Variants in ABCA3 observed in about 807,000 individuals in gnomAD.
ABCA3 encodes phospholipid-transporting ATPase ABCA3.
A neutral mutation model predicts 172.8 loss-of-function variants in ABCA3; 88 were observed. That is an observed-to-expected ratio of 0.51 (90% CI 0.43 to 0.61). ABCA3 has a LOEUF of 0.61. Ranked by LOEUF, ABCA3 falls within the 20% of genes least tolerant of loss-of-function variation. The pLI, the probability that ABCA3 is intolerant of heterozygous loss-of-function variation, is 0.00. For synonymous variants in ABCA3, 1,066 were observed against 983.8 expected (o/e 1.08, Z -1.56); for missense variants, 2,164 against 2,301.0 (o/e 0.94, Z 1.22).
intron 5 of ABCA3, among the ~76,000 whole-genome samples, chr16:2,325,808 T>C (rs186085886): frequency 2.3e-4 from 35 of 152,236 alleles, no homozygotes; most frequent in Non-Finnish European, 2.9e-5. Context: ...GAGACTGCTA[T>C]TTACTCGCAG....
At chr16:2,328,419 T>C (rs776198781) in intron 3 of ABCA3, 34 bp downstream of exon 3, 7 of 465,172 alleles carry the variant, frequency 1.5e-5, no homozygotes, top group South Asian at 1.1e-4. Flanking sequence ...GTTAAGTTCA[T>C]CTCATGAACT....
chr16:2,302,604 C>A (rs1051187019), intron 12 of ABCA3, among the ~76,000 whole-genome samples: 1 of 151,778 alleles, frequency 6.6e-6, no homozygotes, highest in Admixed American at 6.6e-5. Flanking sequence ...CTCAGCCTCT[C>A]AAGTAGCTGG....
intron 1 of ABCA3, chr16:2,332,856 G>A: frequency 1.8e-6 from 1 of 554,874 alleles, no homozygotes; most frequent in Non-Finnish European, 3.2e-6. Context: ...ACCCAGGTTG[G>A]AGTGCCGTTG....
chr16:2,285,534 G>A lies in ABCA3; in HGVS notation c.3391C>T (p.Gln1131Ter). 1 of 1,603,978 alleles carries A rather than the reference G, an allele frequency of 6.2e-7. No homozygotes were observed. Among genetic ancestry groups the A allele is most frequent in the Non-Finnish European group, 8.5e-7 (1 of 1,175,156 alleles). The change falls in exon 23 of 33, where the codon CAG (glutamine) becomes TAG (stop). Residue 1131 changes from glutamine (Q) to a stop codon, truncating the protein, a stop_gained. Coordinates refer to ENST00000301732, the MANE Select transcript of ABCA3 (RefSeq NM_001089.3). LOFTEE classifies it high-confidence loss of function. The surrounding 1 kb of genome is among the most constrained non-coding windows in gnomAD (Gnocchi z 4.7). ...SERAVQAKHV[Q>*]FVSGVHVASF... is the part of the protein sequence containing the mutation. Reference sequence around the variant, plus strand: ...GCCACGTGGACTCCACTCACAAACTGCACATGCTTGGCCTGCACGGCCCTC... The same window carrying A: ...GCCACGTGGACTCCACTCACAAACTACACATGCTTGGCCTGCACGGCCCTC...
intron 19 of ABCA3, among the ~76,000 whole-genome samples, chr16:2,290,663 C>T (rs1052957600): frequency 6.6e-5 from 10 of 152,316 alleles, no homozygotes; most frequent in South Asian, 2.1e-4. Flanking sequence ...AGTCAGTGCT[C>T]GGTCCTGTGT....
chr16:2,327,725 TTC>T (rs1454012889), intron 3 of ABCA3, among the ~76,000 whole-genome samples: 1 of 152,192 alleles, frequency 6.6e-6, no homozygotes, highest in Non-Finnish European at 1.5e-5. Flanking sequence ...TTTTTCTTTT[TTC>T]TGTTTTTTTT....
rs11647731 is a variant in ABCA3 at position 2,298,819 on chromosome 16, G to C, written c.1742-279C>G. On this transcript the variant is annotated intron_variant, in intron 14 of 32. Coordinates refer to ENST00000301732, the MANE Select transcript of ABCA3 (RefSeq NM_001089.3). ...AGTCACCACAATCAGCCCCCGCCCC[G>C]GGTCCCAGCCTGTGCCACTGCCAGA... is the stretch of plus-strand genomic sequence containing the variant. 0.063 allele frequency among the ~76,000 whole-genome samples: 9,587 copies of C among 152,256 alleles called. 390 individuals carry two copies. The highest frequency in any genetic ancestry group is 0.095 in the Non-Finnish European group (6,447 of 67,996).
At chr16:2,305,821 T>C (rs1476460140) in intron 11 of ABCA3, among the ~76,000 whole-genome samples, 1 of 151,894 alleles carries the variant, frequency 6.6e-6, no homozygotes, top group African/African-American at 2.4e-5. Flanking sequence ...GCCTTCCTCC[T>C]GCCTCGGCCA....
rs147594326 is a variant in ABCA3 at position 2,292,211 on chromosome 16, C to T, written c.2442G>A (p.Glu814=). Residue 814 remains glutamate, a synonymous_variant, in exon 19 of 33, where the codon GAG becomes GAA. Coordinates refer to ENST00000301732, the MANE Select transcript of ABCA3 (RefSeq NM_001089.3). ...HRFEGLFAKL[E]KKQKELGIAS... ...CAATGCCCAGCTCTTTCTGCTTCTT[C>T]TCCAGTTTAGCAAAGAGACCTTCAA... 5.0e-6 allele frequency: 8 copies of T among 1,613,974 alleles called. No individual in the cohort carries two copies. In the East Asian group the frequency reaches 1.6e-4, roughly 31 times the overall value.
intron 1 of ABCA3, among the ~76,000 whole-genome samples, chr16:2,334,807 C>T (rs1316412988): frequency 1.3e-5 from 2 of 148,414 alleles, no homozygotes; most frequent in Non-Finnish European, 3.0e-5. Context: ...TGTGAGCCAC[C>T]GTGCCAGACT....
chr16:2,309,827 C>G (rs1429307040), intron 10 of ABCA3, among the ~76,000 whole-genome samples: 1 of 152,062 alleles, frequency 6.6e-6, no homozygotes, highest in African/African-American at 2.4e-5. Flanking sequence ...CCTATTTTGT[C>G]AGGGCTAGTC....
At chr16:2,306,594 G>T (rs1016532969) in intron 11 of ABCA3, among the ~76,000 whole-genome samples, 3 of 152,182 alleles carry the variant, frequency 2.0e-5, no homozygotes, top group African/African-American at 7.2e-5. Flanking sequence ...GACCCCCAAT[G>T]CAGCAATGTT....
intron 10 of ABCA3, among the ~76,000 whole-genome samples, chr16:2,314,700 C>A (rs140976411): frequency 2.9e-4 from 44 of 152,006 alleles, no homozygotes; most frequent in African/African-American, 1.0e-3. Context: ...CCTCAACCTC[C>A]CAAGAAGCTG....
chr16:2,319,868 G>C (rs2093723053), intron 7 of ABCA3, 28 bp from the exon 8 acceptor site: 1 of 1,612,258 alleles, frequency 6.2e-7, no homozygotes, highest in Non-Finnish European at 8.5e-7. Flanking sequence ...GGATGGCCCA[G>C]CCACCTCGAG....
In ABCA3 at chr16:2,283,387, G is replaced by T; in HGVS notation, c.3863-29C>A. Reference sequence around the variant, plus strand: ...TGGGGCGAGGGAGTCACTGTGCCCCGAGGCCTGGGGCACCCTCCTCCCCTT... The same window carrying T: ...TGGGGCGAGGGAGTCACTGTGCCCCTAGGCCTGGGGCACCCTCCTCCCCTT... On this transcript the variant is annotated intron_variant, in intron 25 of 32. Transcript: ENST00000301732. This position sits in a 1 kb window ranked among gnomAD's most constrained non-coding sequence, Gnocchi z 5.4. 1 of 1,606,634 alleles carries T rather than the reference G, an allele frequency of 6.2e-7. No homozygotes were observed. Among genetic ancestry groups the T allele is most frequent in the African/African-American group, 1.3e-5 (1 of 74,864 alleles).
chr16:2,290,260 GTTGCCAT>G (rs2093670000), intron 19 of ABCA3, among the ~76,000 whole-genome samples: 1 of 152,146 alleles, frequency 6.6e-6, no homozygotes, highest in Admixed American at 6.6e-5. Context: ...GACACCAAGT[GTTGCCAT>G]CTCGTCAGTA....
intron 12 of ABCA3, among the ~76,000 whole-genome samples, chr16:2,301,104 G>A (rs1050805584): frequency 1.6e-4 from 24 of 151,438 alleles, no homozygotes; most frequent in Non-Finnish European, 2.5e-4. Context: ...GGTGGTGGGC[G>A]CCTATAGTCC....
chr16:2,284,183 A>G lies in ABCA3; in HGVS notation c.3862+96T>C. On this transcript the variant is annotated intron_variant, in intron 25 of 32. Coordinates refer to ENST00000301732, the MANE Select transcript of ABCA3 (RefSeq NM_001089.3). This position sits in a 1 kb window ranked among gnomAD's most constrained non-coding sequence, Gnocchi z 5.9. ...GGAACGCACCAGCCCCAGGCCACTC[A>G]GACGCAGAGGAGCCCCTGCCCTAGG... 1 of 1,437,412 alleles carries G rather than the reference A, an allele frequency of 7.0e-7. No individual in the cohort carries two copies. Among genetic ancestry groups the G allele is most frequent in the Non-Finnish European group, 9.4e-7 (1 of 1,068,340 alleles). 89.0% of individuals were successfully genotyped at this position (1,437,412 alleles called of 1,614,324 possible).
Position 2,278,943 on chromosome 16 carries a change from C to T in ABCA3, c.4547G>A (p.Ser1516Asn). The T allele has an allele frequency of 1.2e-6, 2 of 1,613,556 alleles. No individual in the cohort carries two copies. The highest frequency in any genetic ancestry group is 1.7e-6 in the Non-Finnish European group (2 of 1,180,046). Residue 1516 changes from serine to asparagine, a missense_variant and splice_region_variant, in exon 29 of 33, where the codon AGT becomes AAT. Ser to Asn is a conservative substitution (Grantham distance 46, BLOSUM62 1). This residue lies in a region of ABCA3 where 795 missense variants were observed against 881.9 expected (regional missense o/e 0.90). Coordinates refer to ENST00000301732, the MANE Select transcript of ABCA3 (RefSeq NM_001089.3). The surrounding 1 kb of genome is among the most constrained non-coding windows in gnomAD (Gnocchi z 4.4). ...AAGGGCCAGGGCTCGGGAGGTGCACCTGTACGTCCTGACCAGCTTGTTGGC... is the reference window on the plus strand; with the variant it reads ...AAGGGCCAGGGCTCGGGAGGTGCACTTGTACGTCCTGACCAGCTTGTTGGC... Reference protein sequence around the residue: ...PHANKLVRTYSGGNKRKLSTG... With the variant: ...PHANKLVRTYNGGNKRKLSTG...
Sources: allele counts gnomAD v4.1 joint callset (sites outside exome capture counted in the v4.1 genomes callset), GRCh38; gene constraint gnomAD v4.1.1; regional missense constraint gnomAD v4.1.1; non-coding constraint Gnocchi (gnomAD v3.1); transcripts MANE v1.5; gene names NCBI Gene and HGNC (gene_info 2026-07-23, HGNC 2026-07-21).